The following FRMD5 variants were observed in gnomAD, a reference collection of about 807,000 sequenced individuals.
FRMD5 encodes FERM domain-containing protein 5.
FRMD5 carries 20 observed loss-of-function variants against 69.0 expected under a neutral mutation model. The ratio of observed to expected loss-of-function variants is 0.29; its 90% CI spans 0.20 to 0.42. FRMD5 has a LOEUF of 0.42. Ranked by LOEUF, FRMD5 falls within the 10% of genes least tolerant of loss-of-function variation. The probability of loss-of-function intolerance (pLI) is 1.00; values close to 1 mark genes in which losing one functional copy is unlikely to be tolerated. For missense variants in FRMD5, 595 were observed against 708.6 expected (o/e 0.84, Z 1.82); for synonymous variants, 271 against 260.1 (o/e 1.04, Z -0.40).
intron 1 of FRMD5, among the ~76,000 whole-genome samples, chr15:43,957,986 T>C (rs568943485): frequency 6.6e-6 from 1 of 152,338 alleles, no homozygotes; most frequent in East Asian, 1.9e-4. Flanking sequence ...TTAACCTATT[T>C]TGCAAATGAA....
At chr15:44,135,319 A>G (rs571521668) in intron 1 of FRMD5, among the ~76,000 whole-genome samples, 7 of 152,072 alleles carry the variant, frequency 4.6e-5, no homozygotes, top group African/African-American at 1.7e-4. Flanking sequence ...AAACAAGCCT[A>G]CTATGAACAA....
At chr15:44,107,542 T>C (rs2076737499) in intron 1 of FRMD5, among the ~76,000 whole-genome samples, 1 of 152,194 alleles carries the variant, frequency 6.6e-6, no homozygotes, top group Non-Finnish European at 1.5e-5. Flanking sequence ...TATTCTCTCT[T>C]GATTTGTAGT....
intron 1 of FRMD5, among the ~76,000 whole-genome samples, chr15:44,088,718 T>A (rs938496849): frequency 1.3e-5 from 2 of 152,212 alleles, no homozygotes; most frequent in Admixed American, 1.3e-4. Context: ...ACTTTATATA[T>A]GTGCTCTCCT....
intron 1 of FRMD5, among the ~76,000 whole-genome samples, chr15:44,076,371 C>T (rs1893765574): frequency 6.7e-6 from 1 of 148,868 alleles, no homozygotes; most frequent in African/African-American, 2.5e-5. Flanking sequence ...TTGGAACCAA[C>T]CCAAATGTCC....
chr15:43,912,781 G>T (rs1174040694), intron 4 of FRMD5, among the ~76,000 whole-genome samples: 11 of 151,506 alleles, frequency 7.3e-5, no homozygotes, highest in African/African-American at 2.4e-4. Flanking sequence ...ACTTTGGGAG[G>T]TCGAGGTGGG....
intron 1 of FRMD5, among the ~76,000 whole-genome samples, chr15:44,044,272 G>C (rs925796344): frequency 1.3e-5 from 2 of 152,044 alleles, no homozygotes; most frequent in Non-Finnish European, 2.9e-5. Flanking sequence ...CAGGAAACAA[G>C]AGATGCTGGA....
intron 4 of FRMD5, among the ~76,000 whole-genome samples, chr15:43,914,449 C>T (rs1386349997): frequency 6.6e-6 from 1 of 152,122 alleles, no homozygotes; most frequent in East Asian, 1.9e-4. Context: ...TCTACAGAGC[C>T]TAAACATCCT....
At chr15:43,899,257 G>T (rs935555894) in intron 7 of FRMD5, among the ~76,000 whole-genome samples, 1 of 152,186 alleles carries the variant, frequency 6.6e-6, no homozygotes, top group Admixed American at 6.5e-5. Context: ...CTCTTTGCTG[G>T]GAGAGCTGAG....
rs34063043 is a variant in FRMD5 at position 43,875,804 on chromosome 15, G to GTTT, written c.1136-1345_1136-1343dup. 365 of 210,530 alleles carry GTTT rather than the reference G, an allele frequency of 1.7e-3. 21 individuals carry two copies. The highest frequency in any genetic ancestry group is 3.2e-3 in the African/African-American group (67 of 20,942). 13.0% of individuals were successfully genotyped at this position (210,530 alleles called of 1,614,324 possible). On this transcript the variant is annotated intron_variant, in intron 13 of 13. Transcript: ENST00000417257. ...TCTTGCCTTTGGTGTCCTGGGCCTA[G>GTTT]TTTTTTTTTTTTTTTTTTTTTTTCT...
chr15:44,140,859 G>A (rs1315978173), intron 1 of FRMD5, among the ~76,000 whole-genome samples: 1 of 116,606 alleles, frequency 8.6e-6, no homozygotes, highest in African/African-American at 3.1e-5. Context: ...CTCTAGCCTG[G>A]GTGACAGAGT....
intron 1 of FRMD5, among the ~76,000 whole-genome samples, chr15:43,963,477 A>G (rs1037389605): frequency 1.3e-5 from 2 of 152,220 alleles, no homozygotes; most frequent in African/African-American, 2.4e-5. Context: ...AACTAGTTCA[A>G]CCATTGTGGA....
At chr15:44,191,922 T>TATATATATATATATA (rs1279440991) in intron 1 of FRMD5, among the ~76,000 whole-genome samples, 1 of 8,926 alleles carries the variant, frequency 1.1e-4, no homozygotes, top group Non-Finnish European at 2.0e-4. Context: ...TATATATATA[T>TATATATATATATATA]TATATATATA....
chr15:44,110,546 C>T (rs1198454673), intron 1 of FRMD5, among the ~76,000 whole-genome samples: 1 of 152,240 alleles, frequency 6.6e-6, no homozygotes, highest in Non-Finnish European at 1.5e-5. Flanking sequence ...CCTCAATTTA[C>T]TACCATTCAA....
At chr15:43,919,896 GA>G in intron 2 of FRMD5, 87 bp from the exon 3 acceptor site, 1 of 1,227,092 alleles carries the variant, frequency 8.1e-7, no homozygotes, top group Non-Finnish European at 1.2e-6. Flanking sequence ...AAACTAGACA[GA>G]TTGTAGCCTA....
chr15:43,898,270 A>G (rs566600786), intron 7 of FRMD5, among the ~76,000 whole-genome samples: 2 of 151,918 alleles, frequency 1.3e-5, no homozygotes, highest in Non-Finnish European at 2.9e-5. Context: ...GTTACCCAGT[A>G]CCTTTGGGCA....
rs1428275662 is a variant in FRMD5, at chr15:43,958,753, A to T, written c.103-34444T>A. ...GTGAGCCACCCTGCCCAGCTGGTAA[A>T]TGCTTTTTAAAAGGAAGATTCATTG... On this transcript the variant is annotated intron_variant, in intron 1 of 13. Transcript: ENST00000417257. Among the ~76,000 whole-genome samples, 3 of 152,150 alleles carry T rather than the reference A, an allele frequency of 2.0e-5. No individual in the cohort carries two copies. The South Asian group carries it at 6.2e-4, about 32-fold the overall frequency.
At chr15:44,145,259 A>C (rs1228683729) in intron 1 of FRMD5, among the ~76,000 whole-genome samples, 3 of 152,198 alleles carry the variant, frequency 2.0e-5, no homozygotes, top group Non-Finnish European at 4.4e-5. Context: ...TACTCATTTC[A>C]GTCCAAAATG....
At chr15:43,994,828 C>G (rs1745109078) in intron 1 of FRMD5, among the ~76,000 whole-genome samples, 1 of 152,220 alleles carries the variant, frequency 6.6e-6, no homozygotes, top group Non-Finnish European at 1.5e-5. Flanking sequence ...TGACTGTGTA[C>G]TTACTTTTAC....
intron 1 of FRMD5, among the ~76,000 whole-genome samples, chr15:44,113,565 T>C (rs1210428572): frequency 6.6e-6 from 1 of 152,248 alleles, no homozygotes; most frequent in Non-Finnish European, 1.5e-5. Context: ...AATCTAATTA[T>C]ATACTCCTTT....
Sources: allele counts gnomAD v4.1 joint callset (sites outside exome capture counted in the v4.1 genomes callset), GRCh38; gene constraint gnomAD v4.1.1; transcripts MANE v1.5; gene names NCBI Gene and HGNC (gene_info 2026-07-23, HGNC 2026-07-21).